Variants in SNTG2 observed in about 807,000 individuals in gnomAD.
The protein encoded by SNTG2 is gamma-2-syntrophin.
A neutral mutation model predicts 70.9 loss-of-function variants in SNTG2; 74 were observed. That is an observed-to-expected ratio of 1.04 (90% CI 0.86 to 1.27). The LOEUF is 1.27. Ranked by LOEUF, SNTG2 falls within the 50% of genes most tolerant of loss-of-function variation. The pLI is 0.00. For synonymous variants in SNTG2, 278 were observed against 273.8 expected (o/e 1.02, Z -0.15); for missense variants, 717 against 690.7 (o/e 1.04, Z -0.43).
At chr2:1,140,962 G>A (rs1326171340) in intron 6 of SNTG2, among the ~76,000 whole-genome samples, 1 of 152,178 alleles carries the variant, frequency 6.6e-6, no homozygotes, top group Non-Finnish European at 1.5e-5. Flanking sequence ...CGAACTCATG[G>A]CAGATCCTGC....
intron 1 of SNTG2, among the ~76,000 whole-genome samples, chr2:970,390 G>T (rs1158759906): frequency 6.7e-6 from 1 of 149,522 alleles, no homozygotes; most frequent in African/African-American, 2.5e-5. Context: ...CTAGCATTAG[G>T]TATATCTCCC....
chr2:971,487 G>A (rs1005614583), intron 1 of SNTG2, among the ~76,000 whole-genome samples: 7 of 151,492 alleles, frequency 4.6e-5, no homozygotes, highest in African/African-American at 1.7e-4. Flanking sequence ...ATTTCTGTGG[G>A]GTCAGTGGTA....
intron 8 of SNTG2, among the ~76,000 whole-genome samples, chr2:1,188,191 A>G (rs1273162626): frequency 4.6e-5 from 7 of 152,344 alleles, no homozygotes; most frequent in Non-Finnish European, 5.9e-5. Flanking sequence ...AAGTGCTCAT[A>G]TTGTTAAGAT....
chr2:1,358,476 T>A (rs1399809992), intron 16 of SNTG2, among the ~76,000 whole-genome samples: 1 of 152,092 alleles, frequency 6.6e-6, no homozygotes, highest in Non-Finnish European at 1.5e-5. Context: ...TTTTTTAACA[T>A]AGGTGTTTAC....
chr2:1,201,076 A>G (rs1347962315), intron 8 of SNTG2, among the ~76,000 whole-genome samples: 3 of 152,024 alleles, frequency 2.0e-5, no homozygotes, highest in Non-Finnish European at 2.9e-5. Flanking sequence ...AAATCAGTAT[A>G]TCAAAGGGAT....
rs531507484 is a variant in SNTG2 at position 1,261,132 on chromosome 2, A to T, written c.1077+1691A>T. Among the ~76,000 whole-genome samples, 163 of 152,344 alleles carry T rather than the reference A, an allele frequency of 1.1e-3. 1 individual carries two copies. Among genetic ancestry groups the T allele is most frequent in the African/African-American group, 3.9e-3 (161 of 41,580 alleles). ...TAAATCTATGGCATTCAATATTTTT[A>T]AAAAAGAGATTAAATTATATGAGTT... On this transcript the variant is annotated intron_variant, in intron 13 of 16. Coordinates refer to ENST00000308624, the MANE Select transcript of SNTG2 (RefSeq NM_018968.4).
chr2:1,307,155 C>CTGTGTG (rs60717774), intron 14 of SNTG2, among the ~76,000 whole-genome samples: 45 of 134,522 alleles, frequency 3.3e-4, no homozygotes, highest in African/African-American at 1.0e-3. Context: ...GAGCCATGTG[C>CTGTGTG]TGTGTGTGTG....
chr2:1,091,416 A>G (rs1042601783), intron 2 of SNTG2, among the ~76,000 whole-genome samples: 1 of 152,226 alleles, frequency 6.6e-6, no homozygotes. Flanking sequence ...GAGCATCTTC[A>G]GGTTCCTCCT....
chr2:1,181,663 A>AT (rs1315655167), intron 8 of SNTG2, among the ~76,000 whole-genome samples: 18 of 151,956 alleles, frequency 1.2e-4, no homozygotes, highest in Admixed American at 1.2e-3. Flanking sequence ...TACCTTATAT[A>AT]TTTGACAGTT....
chr2:1,047,249 A>G (rs956818414), intron 1 of SNTG2, among the ~76,000 whole-genome samples: 2 of 152,154 alleles, frequency 1.3e-5, no homozygotes, highest in South Asian at 2.1e-4. Context: ...TCTCTTGGAT[A>G]GTTTTACTGG....
intron 14 of SNTG2, among the ~76,000 whole-genome samples, chr2:1,285,311 A>G (rs891254525): frequency 1.3e-5 from 2 of 152,178 alleles, no homozygotes; most frequent in South Asian, 4.2e-4. Context: ...TTCAGGATCA[A>G]TATTTTGCAT....
At chr2:958,359 G>A (rs1177047342) in intron 1 of SNTG2, among the ~76,000 whole-genome samples, 5 of 152,168 alleles carry the variant, frequency 3.3e-5, no homozygotes, top group Non-Finnish European at 7.3e-5. Context: ...ATGGGAACAG[G>A]TTCATAAGTC....
chr2:1,176,011 CA>C (rs1671450722), intron 8 of SNTG2, among the ~76,000 whole-genome samples: 4 of 152,284 alleles, frequency 2.6e-5, no homozygotes, highest in Admixed American at 1.3e-4. Context: ...ATCCTCATGT[CA>C]AGGAGTAATT....
chr2:953,448 C>T (rs938420681), intron 1 of SNTG2, among the ~76,000 whole-genome samples: 5 of 152,170 alleles, frequency 3.3e-5, no homozygotes, highest in Non-Finnish European at 5.9e-5. Context: ...GGGGAAAGCA[C>T]GTTAGGTCAT....
intron 1 of SNTG2, among the ~76,000 whole-genome samples, chr2:1,045,259 T>G (rs1661668005): frequency 6.6e-6 from 1 of 152,026 alleles, no homozygotes; most frequent in Non-Finnish European, 1.5e-5. Context: ...CATTTCTGAT[T>G]GTGTTTGTTT....
intron 4 of SNTG2, among the ~76,000 whole-genome samples, chr2:1,135,557 T>C (rs1444622670): frequency 6.6e-6 from 1 of 152,112 alleles, no homozygotes; most frequent in East Asian, 1.9e-4. Flanking sequence ...ACGTCTCTAC[T>C]AAAAATACAA....
intron 4 of SNTG2, among the ~76,000 whole-genome samples, chr2:1,111,030 T>A (rs1666405964): frequency 1.3e-5 from 2 of 152,232 alleles, no homozygotes. Context: ...AAAATCTGCT[T>A]TTTGTCTCAA....
intron 1 of SNTG2, among the ~76,000 whole-genome samples, chr2:969,401 A>T (rs1660669098): frequency 1.3e-5 from 2 of 152,040 alleles, no homozygotes; most frequent in Admixed American, 6.5e-5. Context: ...AATTCTGTGA[A>T]GAATGTCCTT....
At chr2:1,333,970 C>T (rs1659667370) in intron 16 of SNTG2, among the ~76,000 whole-genome samples, 1 of 152,156 alleles carries the variant, frequency 6.6e-6, no homozygotes, top group Admixed American at 6.5e-5. Context: ...AAAGCTCCTG[C>T]ACAGCAAAAG....
Sources: allele counts gnomAD v4.1 joint callset (sites outside exome capture counted in the v4.1 genomes callset), GRCh38; gene constraint gnomAD v4.1.1; transcripts MANE v1.5; gene names NCBI Gene and HGNC (gene_info 2026-07-23, HGNC 2026-07-21).